Variants in DAB1 observed in about 807,000 individuals in gnomAD.
DAB1 encodes the protein DAB adaptor protein 1, also known as disabled homolog 1.
A neutral mutation model predicts 64.6 loss-of-function variants in DAB1; 15 were observed. The observed-to-expected ratio is 0.23, with a 90% confidence interval of 0.16 to 0.36. DAB1 has a LOEUF of 0.36. Ranked by LOEUF, DAB1 falls within the 10% of genes least tolerant of loss-of-function variation. The pLI is 1.00. For synonymous variants in DAB1, 235 were observed against 251.9 expected, an observed-to-expected ratio of 0.93 and a Z score of 0.64; for missense variants, 596 against 706.7, an observed-to-expected ratio of 0.84 and a Z score of 1.78.
At chr1:57,303,896 T>A (rs766066015) in intron 1 of DAB1, among the ~76,000 whole-genome samples, 2 of 152,164 alleles carry the variant, frequency 1.3e-5, no homozygotes, top group East Asian at 3.9e-4. Flanking sequence ...AACTCCCCCC[T>A]GCCTTACTGC....
chr1:57,021,367 T>G (rs1646612945), intron 11 of DAB1, among the ~76,000 whole-genome samples: 1 of 152,142 alleles, frequency 6.6e-6, no homozygotes, highest in Non-Finnish European at 1.5e-5. Context: ...CCCAGTGATA[T>G]GGTTTGGCTG....
At chr1:58,301,811 C>A (rs1053690743) in intron 4 of DAB1, among the ~76,000 whole-genome samples, 13 of 152,130 alleles carry the variant, frequency 8.5e-5, no homozygotes, top group African/African-American at 3.1e-4. Context: ...AACGGTTAAT[C>A]TTACTGTACC....
intron 1 of DAB1, among the ~76,000 whole-genome samples, chr1:57,293,919 C>T (rs1310612363): frequency 2.0e-5 from 3 of 152,130 alleles, no homozygotes; most frequent in Non-Finnish European, 4.4e-5. Flanking sequence ...ACAAGCATTA[C>T]TTGTGAATTT....
chr1:57,508,437 T>G (rs968501358), intron 7 of DAB1, among the ~76,000 whole-genome samples: 32 of 152,228 alleles, frequency 2.1e-4, no homozygotes, highest in African/African-American at 2.4e-5. Context: ...AGGAAGCAGT[T>G]TGATCACTAC....
intron 7 of DAB1, among the ~76,000 whole-genome samples, chr1:57,616,701 G>C (rs1207010835): frequency 1.3e-5 from 2 of 152,178 alleles, no homozygotes; most frequent in African/African-American, 4.8e-5. Context: ...TAGGCAATCT[G>C]TGATGGCCGT....
Position 58,473,541 on chromosome 1 carries a change from C to CAAA in DAB1, n.257+32516_257+32518dup, listed in dbSNP as rs1295620920. On this transcript the variant is annotated intron_variant and non_coding_transcript_variant, in intron 3 of 20. Transcript: ENST00000485760. ...TGGGCGACAGAGCAAGACTCCGTCT[C>CAAA]AAAAAAATAAATAAATAAATAAATA... Among the ~76,000 whole-genome samples the CAAA allele has an allele frequency of 4.1e-3, 469 of 115,288 alleles. 2 individuals carry two copies. The highest frequency in any genetic ancestry group is 0.012 in the African/African-American group (324 of 28,110). 75.6% of individuals were successfully genotyped at this position (115,288 alleles called of 152,430 possible). A position where few individuals can be genotyped will look rare whatever the true frequency, so the allele number is the denominator to read the frequency against.
At chr1:57,430,633 T>C (rs748467997) in intron 7 of DAB1, among the ~76,000 whole-genome samples, 1 of 152,008 alleles carries the variant, frequency 6.6e-6, no homozygotes, top group Non-Finnish European at 1.5e-5. Flanking sequence ...CGCCTAGGCC[T>C]CCCAAAGTGC....
At chr1:58,529,769 T>C (rs957521942) in intron 1 of DAB1, among the ~76,000 whole-genome samples, 4 of 152,192 alleles carry the variant, frequency 2.6e-5, no homozygotes, top group African/African-American at 9.7e-5. Context: ...AAAATATATA[T>C]AGTAAAATAA....
chr1:57,011,370 T>C, intron 12 of DAB1, 98 bp from the exon 13 acceptor site: 1 of 1,368,440 alleles, frequency 7.3e-7, no homozygotes, highest in Non-Finnish European at 1.0e-6. Context: ...TGAAGTCAAA[T>C]CTTAGGATTC....
intron 7 of DAB1, among the ~76,000 whole-genome samples, chr1:57,449,540 T>C (rs1686273345): frequency 6.6e-6 from 1 of 152,028 alleles, no homozygotes; most frequent in African/African-American, 2.4e-5. Context: ...TCTGCTACAC[T>C]TGGCTAATTT....
At chr1:57,774,155 C>A (rs3131746) in intron 6 of DAB1, among the ~76,000 whole-genome samples, 58,178 of 151,576 alleles carry the variant, frequency 0.38, 11,665 homozygotes, top group East Asian at 0.62. Flanking sequence ...CCCATTTATT[C>A]AAATCTTAAA....
chr1:57,882,421 G>A (rs1260343227), intron 1 of DAB1, among the ~76,000 whole-genome samples: 2 of 152,118 alleles, frequency 1.3e-5, no homozygotes, highest in African/African-American at 4.8e-5. Flanking sequence ...CTACGTGCTT[G>A]CTCAGTTACC....
chr1:57,558,001 C>T (rs979568924), intron 7 of DAB1, among the ~76,000 whole-genome samples: 3 of 138,964 alleles, frequency 2.2e-5, no homozygotes, highest in African/African-American at 7.8e-5. Flanking sequence ...AAGCTTCTAT[C>T]ATGTGAGTGG....
intron 9 of DAB1, among the ~76,000 whole-genome samples, chr1:57,052,692 G>C (rs1242548429): frequency 6.6e-6 from 1 of 152,120 alleles, no homozygotes; most frequent in Non-Finnish European, 1.5e-5. Flanking sequence ...TAATGAACAT[G>C]GTGACAAATG....
intron 5 of DAB1, among the ~76,000 whole-genome samples, chr1:57,914,246 A>G (rs893502895): frequency 6.6e-6 from 1 of 152,168 alleles, no homozygotes; most frequent in African/African-American, 2.4e-5. Flanking sequence ...ACATATACAC[A>G]TGGAATACTA....
At chr1:57,409,584 G>A (rs1683937702) in intron 1 of DAB1, among the ~76,000 whole-genome samples, 1 of 152,172 alleles carries the variant, frequency 6.6e-6, no homozygotes, top group African/African-American at 2.4e-5. Flanking sequence ...GCCGAGGTGG[G>A]CGGATCATGA....
At chr1:58,540,033 A>G (rs1646581287) in intron 1 of DAB1, among the ~76,000 whole-genome samples, 1 of 152,162 alleles carries the variant, frequency 6.6e-6, no homozygotes, top group Admixed American at 6.5e-5. Context: ...GGAGCTGGGA[A>G]AGGGCCACCT....
intron 2 of DAB1, among the ~76,000 whole-genome samples, chr1:57,264,611 C>T (rs763756496): frequency 6.6e-6 from 1 of 152,178 alleles, no homozygotes; most frequent in Non-Finnish European, 1.5e-5. Context: ...CAGTGATGTC[C>T]TGTACCTTAA....
intron 5 of DAB1, among the ~76,000 whole-genome samples, chr1:57,954,783 T>G (rs993722813): frequency 6.6e-6 from 1 of 152,202 alleles, no homozygotes; most frequent in Non-Finnish European, 1.5e-5. Context: ...TATGATAAAA[T>G]AGCTGCTGGA....
Sources: allele counts gnomAD v4.1 joint callset (sites outside exome capture counted in the v4.1 genomes callset), GRCh38; gene constraint gnomAD v4.1.1; transcripts MANE v1.5; gene names NCBI Gene and HGNC (gene_info 2026-07-23, HGNC 2026-07-21).